Variants in AGBL4 observed in about 807,000 individuals in gnomAD.
The protein encoded by AGBL4 is cytosolic carboxypeptidase 6.
AGBL4 carries 58 observed loss-of-function variants against 66.4 expected under a neutral mutation model. That is an observed-to-expected ratio of 0.87 (90% CI 0.71 to 1.09). The LOEUF (loss-of-function observed/expected upper bound fraction) is 1.09. AGBL4 is among the 50% of genes least tolerant of loss of function. The probability of loss-of-function intolerance (pLI) is 0.00; values close to 1 mark genes in which losing one functional copy is unlikely to be tolerated. For synonymous variants in AGBL4, 234 were observed against 222.9 expected (o/e 1.05, Z -0.44); for missense variants, 579 against 631.0 (o/e 0.92, Z 0.88).
chr1:49,132,775 T>C (rs1645925821), intron 4 of AGBL4, among the ~76,000 whole-genome samples: 1 of 152,164 alleles, frequency 6.6e-6, no homozygotes, highest in Admixed American at 6.5e-5. Flanking sequence ...ATAGGAATGT[T>C]TTTACACTGT....
intron 11 of AGBL4, among the ~76,000 whole-genome samples, chr1:48,571,303 C>T (rs1176269048): frequency 6.6e-6 from 1 of 152,232 alleles, no homozygotes; most frequent in Non-Finnish European, 1.5e-5. Context: ...AGCTCAAATC[C>T]CCGCATTCCT....
At chr1:49,474,261 T>C (rs969206492) in intron 3 of AGBL4, among the ~76,000 whole-genome samples, 1 of 152,104 alleles carries the variant, frequency 6.6e-6, no homozygotes, top group Admixed American at 6.6e-5. Context: ...AACCTATGTA[T>C]GTGGAATGTT....
At chr1:48,683,493 A>G (rs1364869600) in intron 6 of AGBL4, among the ~76,000 whole-genome samples, 4 of 152,180 alleles carry the variant, frequency 2.6e-5, no homozygotes, top group African/African-American at 7.2e-5. Context: ...TCTAGCTTCT[A>G]CCCGCCATCC....
chr1:48,970,358 C>T (rs1658804860), intron 5 of AGBL4, among the ~76,000 whole-genome samples: 1 of 152,122 alleles, frequency 6.6e-6, no homozygotes, highest in Non-Finnish European at 1.5e-5. Context: ...TTAATTAAAA[C>T]AAAGGAGTTA....
chr1:48,926,948 T>C (rs934980827), intron 5 of AGBL4, among the ~76,000 whole-genome samples: 2 of 152,162 alleles, frequency 1.3e-5, no homozygotes, highest in Non-Finnish European at 2.9e-5. Flanking sequence ...GATGTGAGTC[T>C]AAGAGCAGGA....
intron 5 of AGBL4, among the ~76,000 whole-genome samples, chr1:48,987,461 A>C (rs1334425338): frequency 2.0e-5 from 3 of 152,044 alleles, no homozygotes; most frequent in Non-Finnish European, 2.9e-5. Context: ...ATTTATTAAG[A>C]AGATTTAACA....
At chr1:49,627,041 G>C (rs1000688381) in intron 3 of AGBL4, among the ~76,000 whole-genome samples, 1 of 152,068 alleles carries the variant, frequency 6.6e-6, no homozygotes, top group South Asian at 2.1e-4. Context: ...TGTTGCTCAT[G>C]GACCACAGTC....
rs1255414053 is a variant in AGBL4 at position 48,953,999 on chromosome 1, G to C, written c.595-86769C>G. Among the ~76,000 whole-genome samples, 5 of 152,194 alleles carry C rather than the reference G, an allele frequency of 3.3e-5. No individual in the cohort carries two copies. The South Asian group carries it at 1.0e-3, about 31-fold the overall frequency. On this transcript the variant is annotated intron_variant, in intron 5 of 13. Coordinates refer to ENST00000371839, the MANE Select transcript of AGBL4 (RefSeq NM_032785.4). ...TCAGCAGACAAATGATGAGTAGTAC[G>C]ATTGTTCTAGCTGCCCCGAGCAGAG...
chr1:48,769,953 A>G (rs1191591998), intron 6 of AGBL4, among the ~76,000 whole-genome samples: 2 of 152,200 alleles, frequency 1.3e-5, no homozygotes, highest in Non-Finnish European at 2.9e-5. Context: ...GTAGTTAAGG[A>G]AATGATCTAG....
At chr1:48,629,709 T>C (rs1278772260) in intron 9 of AGBL4, among the ~76,000 whole-genome samples, 2 of 152,104 alleles carry the variant, frequency 1.3e-5, no homozygotes, top group Non-Finnish European at 2.9e-5. Context: ...TCCTCTCTCA[T>C]GGGAATGGGA....
chr1:49,328,372 T>C (rs1469472775), intron 3 of AGBL4, among the ~76,000 whole-genome samples: 1 of 152,180 alleles, frequency 6.6e-6, no homozygotes, highest in Non-Finnish European at 1.5e-5. Context: ...TGGAATCTAG[T>C]TCCAAGTCTG....
intron 6 of AGBL4, chr1:48,818,315 A>G (rs943029581): frequency 1.4e-6 from 1 of 715,120 alleles, no homozygotes; most frequent in South Asian, 1.5e-5. Context: ...TTATGGCCAT[A>G]TTTGAAAAGG....
chr1:48,763,054 G>C (rs757600706), intron 6 of AGBL4, among the ~76,000 whole-genome samples: 2 of 151,954 alleles, frequency 1.3e-5, no homozygotes, highest in African/African-American at 2.4e-5. Flanking sequence ...AATGTGTTCT[G>C]AATCATTTTC....
intron 5 of AGBL4, among the ~76,000 whole-genome samples, chr1:48,913,272 A>C (rs1653299821): frequency 6.6e-6 from 1 of 152,186 alleles, no homozygotes. Flanking sequence ...GGAAGATCAG[A>C]ATCAATACAA....
intron 8 of AGBL4, among the ~76,000 whole-genome samples, chr1:48,651,902 T>G (rs1002619322): frequency 6.6e-6 from 1 of 152,240 alleles, no homozygotes; most frequent in Non-Finnish European, 1.5e-5. Context: ...TCTCTCATAT[T>G]CATCAAACAC....
rs1644173764 is a variant in AGBL4, at chr1:48,546,964, A to G, written c.1268-7226T>C. Among the ~76,000 whole-genome samples, 3 of 151,912 alleles carry G rather than the reference A, an allele frequency of 2.0e-5. No homozygotes were observed. The South Asian group carries it at 6.2e-4, about 32-fold the overall frequency. On this transcript the variant is annotated intron_variant, in intron 11 of 13. Transcript: ENST00000371839. ...CAGAGTCTGTACCTGCAGATAATGC[A>G]GGCGTGGGAAGGCCTCTCTGAGGAG...
At chr1:49,079,681 A>G (rs1644773859) in intron 4 of AGBL4, among the ~76,000 whole-genome samples, 1 of 152,210 alleles carries the variant, frequency 6.6e-6, no homozygotes, top group Admixed American at 6.5e-5. Context: ...TGAAATCCTA[A>G]CACTTGTAGT....
At chr1:49,623,552 T>A (rs1645407571) in intron 3 of AGBL4, among the ~76,000 whole-genome samples, 1 of 152,182 alleles carries the variant, frequency 6.6e-6, no homozygotes, top group African/African-American at 2.4e-5. Context: ...TACTAATGCC[T>A]CAAATTTACA....
chr1:49,244,554 C>T (rs1386691325), intron 4 of AGBL4, among the ~76,000 whole-genome samples: 1 of 151,762 alleles, frequency 6.6e-6, no homozygotes, highest in African/African-American at 2.4e-5. Context: ...TGCCAAGTAT[C>T]ATTTGGAGAT....
Sources: gnomAD v4.1 joint callset for allele counts (sites outside exome capture counted in the v4.1 genomes callset) on GRCh38, gnomAD v4.1.1 for gene constraint, MANE v1.5 for transcripts, NCBI Gene and HGNC (gene_info 2026-07-23, HGNC 2026-07-21) for gene names.